Variants in RPL12 observed in about 807,000 individuals in gnomAD.
The protein encoded by RPL12 is large ribosomal subunit protein uL11.
RPL12 carries 10 observed loss-of-function variants against 24.5 expected under a neutral mutation model. The observed-to-expected ratio is 0.41, with a 90% CI of 0.25 to 0.69. The LOEUF (loss-of-function observed/expected upper bound fraction) is 0.69, where lower values mean the gene tolerates loss of function less well. Among genes scored for constraint, RPL12 ranks in the 30% least tolerant of loss-of-function variants. The pLI is 0.33. For synonymous variants in RPL12, 74 were observed against 76.1 expected, an observed-to-expected ratio of 0.97 and a Z score of 0.14; for missense variants, 137 against 205.3, an observed-to-expected ratio of 0.67 and a Z score of 2.03.
intron 3 of RPL12, 30 bp from the exon 4 acceptor site, chr9:127,449,392 C>T (rs1395458663): frequency 6.3e-7 from 1 of 1,585,532 alleles, no homozygotes; most frequent in Admixed American, 1.7e-5. Flanking sequence ...GTGAATACTC[C>T]ACCTCCAGTG....
intron 3 of RPL12, 90 bp from the exon 4 acceptor site, chr9:127,449,452 A>G (rs1834230356): frequency 1.5e-6 from 2 of 1,377,872 alleles, no homozygotes; most frequent in Admixed American, 3.7e-5. Context: ...CACACTGTCC[A>G]AGTCTTTGCC....
chr9:127,448,655 C>CA (rs112031868), intron 4 of RPL12: 3 of 738,134 alleles, frequency 4.1e-6, no homozygotes, highest in African/African-American at 3.4e-5. Flanking sequence ...ACCAAGCCTT[C>CA]ACAAATCTGA....
intron 1 of RPL12, 176 bp downstream of exon 1, chr9:127,451,105 C>A: frequency 1.2e-6 from 1 of 846,650 alleles, no homozygotes; most frequent in Non-Finnish European, 1.8e-6. Flanking sequence ...CCCTCCCCAC[C>A]TACACGTGAA....
intron 5 of RPL12, 87 bp from the exon 6 acceptor site, chr9:127,448,076 G>T: frequency 6.9e-7 from 1 of 1,446,812 alleles, no homozygotes; most frequent in Non-Finnish European, 9.3e-7. Context: ...GGGGTTCATA[G>T]CAGGCAATGG....
At chr9:127,448,282 A>G (rs1447430074) in intron 5 of RPL12, 55 bp downstream of exon 5, 61 of 1,360,034 alleles carry the variant, frequency 4.5e-5, no homozygotes, top group Non-Finnish European at 6.3e-5. Context: ...GAATGTTATC[A>G]CTCAGTGAAA....
At chr9:127,449,388 A>G in intron 3 of RPL12, 26 bp from the exon 4 acceptor site, 2 of 1,593,432 alleles carry the variant, frequency 1.3e-6, no homozygotes, top group South Asian at 2.2e-5. Flanking sequence ...CTGAGTGAAT[A>G]CTCCACCTCC....
intron 1 of RPL12, 165 bp downstream of exon 1, chr9:127,451,116 G>C (rs1051233897): frequency 1.6e-5 from 15 of 922,752 alleles, no homozygotes; most frequent in Non-Finnish European, 2.3e-5. Flanking sequence ...TACACGTGAA[G>C]AAGCTAAGGC....
At chr9:127,448,829 G>A (rs1834218843) in intron 4 of RPL12, among the ~76,000 whole-genome samples, 1 of 137,102 alleles carries the variant, frequency 7.3e-6, no homozygotes, top group Non-Finnish European at 1.6e-5. Context: ...GGACTACATG[G>A]CACTTTTTTT....
intron 6 of RPL12, 46 bp downstream of exon 6, chr9:127,447,831 G>GT: frequency 6.2e-7 from 1 of 1,611,650 alleles, no homozygotes; most frequent in Non-Finnish European, 8.5e-7. Flanking sequence ...AATACACTGG[G>GT]TGGCCCCCCT....
chr9:127,449,590 A>G lies in RPL12; in HGVS notation c.210+20T>C. ...CTGTCCCCCCACCCTCCTCTCCCGA[A>G]ACCAAGCACAAGCAAATACCTGGGC... On this transcript the variant is annotated intron_variant, in intron 3 of 6. Transcript: ENST00000361436. The G allele has an allele frequency of 6.2e-7, 1 of 1,610,272 alleles. No individual in the cohort carries two copies. Among genetic ancestry groups the G allele is most frequent in the Non-Finnish European group, 8.5e-7 (1 of 1,176,582 alleles).
At chr9:127,447,790 C>T in intron 6 of RPL12, 64 bp from the exon 7 acceptor site, 2 of 1,612,438 alleles carry the variant, frequency 1.2e-6, no homozygotes, top group East Asian at 2.2e-5. Context: ...CACCAGTAAC[C>T]ATTTCCAAAA....
At chr9:127,450,076 T>C (rs1299962794) in intron 2 of RPL12, 1 of 228,804 alleles carries the variant, frequency 4.4e-6, no homozygotes, top group African/African-American at 2.3e-5. Flanking sequence ...TACTCTGAAG[T>C]TCTCCTCCTC....
In RPL12 at chr9:127,447,915, T is replaced by C. The variant is rs1185923776; in HGVS notation, c.454A>G (p.Ile152Val). The C allele has an allele frequency of 1.9e-6, 3 of 1,613,758 alleles. No homozygotes were observed. The highest frequency in any genetic ancestry group is 1.1e-5 in the South Asian group (1 of 90,966). The change falls in exon 6 of 7, where the codon ATC becomes GTC. Residue 152 changes from isoleucine (I) to valine (V), a missense_variant. Ile to Val is a conservative substitution (Grantham distance 29). Coordinates refer to ENST00000361436, the MANE Select transcript of RPL12 (RefSeq NM_000976.4). Reference protein sequence around the residue: ...NVDGRHPHDIIDDINSGAVEC... With the variant: ...NVDGRHPHDIVDDINSGAVEC... Reference sequence around the variant, plus strand: ...ACAGCACCACTGTTGATGTCATCGATGATGTCATGAGGATGGCGGCCATCA... The same window carrying C: ...ACAGCACCACTGTTGATGTCATCGACGATGTCATGAGGATGGCGGCCATCA...
At chr9:127,447,825 C>G in intron 6 of RPL12, 52 bp downstream of exon 6, 1 of 1,611,324 alleles carries the variant, frequency 6.2e-7, no homozygotes, top group Non-Finnish European at 8.5e-7. Context: ...TCTGTGAATA[C>G]ACTGGGTGGC....
At chr9:127,448,725 C>CAG (rs1327651066) in intron 4 of RPL12, 1 of 549,296 alleles carries the variant, frequency 1.8e-6, no homozygotes, top group East Asian at 3.9e-5. Flanking sequence ...TTAAACTGCC[C>CAG]AGTACCTGCC....
At chr9:127,451,174 T>G in intron 1 of RPL12, 107 bp downstream of exon 1, 2 of 1,459,920 alleles carry the variant, frequency 1.4e-6, no homozygotes, top group Non-Finnish European at 1.9e-6. Flanking sequence ...CGGGAAGGTC[T>G]CTGGGAGGCA....
Position 127,449,630 on chromosome 9 carries a change from T to G in RPL12, c.190A>C (p.Ile64Leu). The G allele has an allele frequency of 6.2e-7, 1 of 1,614,198 alleles. No homozygotes were observed. Among genetic ancestry groups the G allele is most frequent in the Non-Finnish European group, 8.5e-7 (1 of 1,180,004 alleles). Reference protein sequence around the residue: ...KGLRITVKLTIQNRQAQIEVV... With the variant: ...KGLRITVKLTLQNRQAQIEVV... Reference sequence around the variant, plus strand: ...AATACCTGGGCCTGTCTGTTCTGAATGGTCAGTTTCACTGTAATCCTCAGG... The same window carrying G: ...AATACCTGGGCCTGTCTGTTCTGAAGGGTCAGTTTCACTGTAATCCTCAGG... Residue 64 changes from isoleucine to leucine, a missense_variant, in exon 3 of 7, where the codon ATT (isoleucine) becomes CTT (leucine). Physicochemically the swap from Ile to Leu is conservative, Grantham distance 5. Around this residue, in one of 3 missense-constraint regions of RPL12, gnomAD observed 118 missense variants for 160.7 expected, o/e 0.73. Transcript: ENST00000361436.
intron 3 of RPL12, 90 bp from the exon 4 acceptor site, chr9:127,449,452 A>C: frequency 1.5e-6 from 2 of 1,377,872 alleles, no homozygotes; most frequent in Non-Finnish European, 2.0e-6. Context: ...CACACTGTCC[A>C]AGTCTTTGCC....
At chr9:127,449,204 TA>T (rs1834225748) in intron 4 of RPL12, 76 bp downstream of exon 4, 1 of 1,240,522 alleles carries the variant, frequency 8.1e-7, no homozygotes, top group Non-Finnish European at 1.2e-6. Context: ...AGGTTTCCTT[TA>T]AGGGAAAACA....
Sources: gnomAD v4.1 joint callset for allele counts (sites outside exome capture counted in the v4.1 genomes callset) on GRCh38, gnomAD v4.1.1 for gene constraint, gnomAD v4.1.1 regional missense constraint, MANE v1.5 for transcripts, NCBI Gene and HGNC (gene_info 2026-07-23, HGNC 2026-07-21) for gene names.